PCCA: variants seen among roughly 807,000 people sequenced by gnomAD.
PCCA encodes the protein propionyl-CoA carboxylase subunit alpha, also known as propionyl-CoA carboxylase alpha chain, mitochondrial.
In PCCA, 74 loss-of-function variants were observed where a neutral mutation model predicts 101.3. That is an observed-to-expected ratio of 0.73 (90% CI 0.61 to 0.89). The LOEUF is 0.89. Ranked by LOEUF, PCCA falls within the 40% of genes least tolerant of loss-of-function variation. The pLI is 0.00. For synonymous variants in PCCA, 294 were observed against 313.6 expected (o/e 0.94, Z 0.66); for missense variants, 891 against 907.0 (o/e 0.98, Z 0.23).
At position 100,301,554 on chromosome 13, in the gene PCCA, C is replaced by G. The variant is rs1484267212; in HGVS notation, c.1160C>G (p.Ala387Gly). 7.4e-6 allele frequency: 12 copies of G among 1,614,056 alleles called. No individual in the cohort carries two copies. The highest frequency in any genetic ancestry group is 9.3e-6 in the Non-Finnish European group (11 of 1,179,960). The change falls in exon 13 of 24, where the codon GCT (alanine) becomes GGT (glycine). Residue 387 changes from alanine to glycine, a missense_variant. Ala to Gly is a moderately conservative substitution (Grantham distance 60). Coordinates refer to ENST00000376285, the MANE Select transcript of PCCA (RefSeq NM_000282.4). ...AKGYPLRHKQ[A>G]DIRINGWAVE... ...GGCTACCCTCTCAGGCACAAACAAGCTGATATTCGCATCAACGGCTGGGCA... is the reference window on the plus strand; with the variant it reads ...GGCTACCCTCTCAGGCACAAACAAGGTGATATTCGCATCAACGGCTGGGCA...
chr13:100,268,878 G>A (rs2063120658), intron 11 of PCCA, 95 bp downstream of exon 11: 1 of 908,442 alleles, frequency 1.1e-6, no homozygotes, highest in Non-Finnish European at 1.8e-6. Flanking sequence ...TGCATTCAGA[G>A]ACAGGGTCTC....
intron 7 of PCCA, among the ~76,000 whole-genome samples, chr13:100,233,844 A>G (rs1344222486): frequency 1.3e-5 from 2 of 152,224 alleles, no homozygotes; most frequent in African/African-American, 2.4e-5. Context: ...GTGGCATGCT[A>G]TAGAAGTGTT....
intron 6 of PCCA, among the ~76,000 whole-genome samples, chr13:100,189,198 C>T (rs141135910): frequency 0.037 from 5,607 of 152,192 alleles, 157 homozygotes; most frequent in Admixed American, 0.065. Flanking sequence ...TCATCCATGT[C>T]CCTGCAAAGG....
intron 2 of PCCA, among the ~76,000 whole-genome samples, chr13:100,107,948 T>C (rs1266226164): frequency 6.6e-6 from 1 of 152,210 alleles, no homozygotes; most frequent in Non-Finnish European, 1.5e-5. Flanking sequence ...GGGTGTAAAC[T>C]CATGCCTGTC....
intron 17 of PCCA, among the ~76,000 whole-genome samples, chr13:100,338,876 T>A (rs1427337927): frequency 6.6e-6 from 1 of 151,830 alleles, no homozygotes; most frequent in Non-Finnish European, 1.5e-5. Context: ...TTGGAAGTAT[T>A]TGTATCTTAA....
chr13:100,173,881 C>T (rs558175222), intron 6 of PCCA, among the ~76,000 whole-genome samples: 4 of 152,306 alleles, frequency 2.6e-5, no homozygotes, highest in African/African-American at 9.6e-5. Context: ...AGTTCCCCTG[C>T]ACAAGCTCTC....
intron 19 of PCCA, among the ~76,000 whole-genome samples, chr13:100,416,625 C>A (rs1166285188): frequency 6.6e-6 from 1 of 151,756 alleles, no homozygotes; most frequent in Non-Finnish European, 1.5e-5. Context: ...CTCCACCTGC[C>A]GGGTTCCAGT....
chr13:100,092,687 G>T (rs561572985), intron 1 of PCCA, among the ~76,000 whole-genome samples: 1 of 152,256 alleles, frequency 6.6e-6, no homozygotes, highest in African/African-American at 2.4e-5. Flanking sequence ...TTGAATCATG[G>T]TCTCATTGTG....
At chr13:100,135,313 C>T (rs2051028755) in intron 4 of PCCA, among the ~76,000 whole-genome samples, 1 of 151,842 alleles carries the variant, frequency 6.6e-6, no homozygotes, top group South Asian at 2.1e-4. Flanking sequence ...ATTGCTTGAG[C>T]CCAGGAGTTT....
chr13:100,179,487 G>T (rs746390268), intron 6 of PCCA, among the ~76,000 whole-genome samples: 12 of 152,088 alleles, frequency 7.9e-5, no homozygotes, highest in Non-Finnish European at 1.0e-4. Flanking sequence ...TGGTAGACCC[G>T]CTTGTTAATC....
chr13:100,510,199 A>G (rs1156678297), intron 21 of PCCA, among the ~76,000 whole-genome samples: 2 of 152,238 alleles, frequency 1.3e-5, no homozygotes, highest in Non-Finnish European at 1.5e-5. Context: ...AAAGGTTTCA[A>G]AGGAACCTCA....
At chr13:100,259,861 C>T (rs1305223061) in intron 9 of PCCA, among the ~76,000 whole-genome samples, 1 of 152,062 alleles carries the variant, frequency 6.6e-6, no homozygotes, top group East Asian at 1.9e-4. Context: ...AAAATATATC[C>T]AGGCACAAAG....
chr13:100,304,218 G>A (rs1274500504), intron 14 of PCCA, among the ~76,000 whole-genome samples: 4 of 152,188 alleles, frequency 2.6e-5, no homozygotes, highest in Non-Finnish European at 5.9e-5. Context: ...AACATTTGCA[G>A]TTGTGAGCCA....
At chr13:100,204,897 G>C (rs1396759506) in intron 6 of PCCA, among the ~76,000 whole-genome samples, 1 of 152,070 alleles carries the variant, frequency 6.6e-6, no homozygotes, top group Non-Finnish European at 1.5e-5. Flanking sequence ...GGGCTCAAGA[G>C]ATACTCCTGG....
rs533054852 is a variant in PCCA, at chr13:100,259,060, G to T, written c.716+1387G>T. Among the ~76,000 whole-genome samples the T allele has an allele frequency of 7.9e-5, 12 of 152,204 alleles. No individual in the cohort carries two copies. The South Asian group carries it at 2.5e-3, about 32-fold the overall frequency. On this transcript the variant is annotated intron_variant, in intron 9 of 23. Coordinates refer to ENST00000376285, the MANE Select transcript of PCCA (RefSeq NM_000282.4). Reference sequence around the variant, plus strand: ...AACATGCCTATGCTTGTCTTTTGGAGCCACTAACCGTGAACACCATACCAC... The same window carrying T: ...AACATGCCTATGCTTGTCTTTTGGATCCACTAACCGTGAACACCATACCAC...
intron 6 of PCCA, among the ~76,000 whole-genome samples, chr13:100,188,358 T>G (rs2057482095): frequency 7.5e-6 from 1 of 133,454 alleles, no homozygotes; most frequent in Non-Finnish European, 1.7e-5. Context: ...GAATAATGAA[T>G]TCCATCTGGA....
Position 100,209,354 on chromosome 13 carries a change from T to C in PCCA, c.491T>C (p.Ile164Thr), listed in dbSNP as rs202247815. 3 of 1,613,766 alleles carry C rather than the reference T, an allele frequency of 1.9e-6. No homozygotes were observed. The highest frequency in any genetic ancestry group is 1.7e-5 in the Admixed American group (1 of 60,020). The change falls in exon 7 of 24, where the codon ATT becomes ACT. Residue 164 changes from isoleucine to threonine, a missense_variant. Physicochemically the swap from Ile to Thr is moderately conservative, Grantham distance 89 (BLOSUM62 -1). Transcript: ENST00000376285. The part of the protein sequence containing the change: ...RCLAAEDVVF[I>T]GPDTHAIQAM... Reference sequence around the variant, plus strand: ...CAGGCAGCAGAAGATGTCGTTTTCATTGGACCTGACACACATGCTATTCAA... The same window carrying C: ...CAGGCAGCAGAAGATGTCGTTTTCACTGGACCTGACACACATGCTATTCAA...
At chr13:100,321,074 T>C (rs1393954931) in intron 16 of PCCA, among the ~76,000 whole-genome samples, 3 of 152,192 alleles carry the variant, frequency 2.0e-5, no homozygotes, top group Admixed American at 6.5e-5. Flanking sequence ...CTACTTATCT[T>C]TGGGTCCTTC....
intron 6 of PCCA, among the ~76,000 whole-genome samples, chr13:100,191,025 GTGTCAAAGC>G (rs2057705355): frequency 6.6e-6 from 1 of 152,012 alleles, no homozygotes. Context: ...TGAGCCCTAG[GTGTCAAAGC>G]TGCAGTGATC....
Sources: allele counts gnomAD v4.1 joint callset (sites outside exome capture counted in the v4.1 genomes callset), GRCh38; gene constraint gnomAD v4.1.1; transcripts MANE v1.5; gene names NCBI Gene and HGNC (gene_info 2026-07-23, HGNC 2026-07-21).